Variants in NELL2 observed in about 807,000 individuals in gnomAD.
NELL2 encodes protein kinase C-binding protein NELL2.
Under a neutral mutation model 109.6 loss-of-function variants are expected in NELL2, and 41 were observed. That is an observed-to-expected ratio of 0.37 (90% confidence interval 0.29 to 0.49). NELL2 has a LOEUF of 0.49. NELL2 is among the 20% of genes least tolerant of loss of function. The pLI is 0.98. For synonymous variants in NELL2, 355 were observed against 344.7 expected, an observed-to-expected ratio of 1.03 and a Z score of -0.33; for missense variants, 900 against 1,008.3, an observed-to-expected ratio of 0.89 and a Z score of 1.45.
chr12:44,901,354 A>G (rs934629905), intron 1 of NELL2, among the ~76,000 whole-genome samples: 1 of 152,220 alleles, frequency 6.6e-6, no homozygotes, highest in African/African-American at 2.4e-5. Flanking sequence ...ACCAGGAAGA[A>G]GTCGAATCCC....
intron 2 of NELL2, among the ~76,000 whole-genome samples, chr12:44,826,547 G>C (rs895061765): frequency 1.1e-4 from 17 of 152,088 alleles, no homozygotes; most frequent in African/African-American, 3.4e-4. Flanking sequence ...TATATACAAA[G>C]TTTCCGAAGT....
At chr12:44,875,771 C>A (rs1566579412) in intron 1 of NELL2, 44 bp downstream of exon 1, 2 of 1,612,088 alleles carry the variant, frequency 1.2e-6, no homozygotes, top group African/African-American at 1.3e-5. Context: ...TGCCCCGAGG[C>A]GGGAGCCATC....
At chr12:44,674,706 T>C (rs544995317) in intron 12 of NELL2, among the ~76,000 whole-genome samples, 1 of 152,200 alleles carries the variant, frequency 6.6e-6, no homozygotes, top group South Asian at 2.1e-4. Context: ...GTATATCTTA[T>C]GAGAGTTGGT....
intron 1 of NELL2, among the ~76,000 whole-genome samples, chr12:44,912,555 T>C (rs1043106519): frequency 6.6e-6 from 1 of 152,042 alleles, no homozygotes; most frequent in African/African-American, 2.4e-5. Context: ...TGGGAATGTA[T>C]TCTGGAAAAT....
chr12:44,634,124 C>A (rs1946552854), intron 13 of NELL2, among the ~76,000 whole-genome samples: 1 of 151,912 alleles, frequency 6.6e-6, no homozygotes, highest in Non-Finnish European at 1.5e-5. Flanking sequence ...TTTACAAAAC[C>A]AAAGACATTA....
chr12:44,785,638 G>A (rs906302595), intron 3 of NELL2, among the ~76,000 whole-genome samples: 1 of 152,074 alleles, frequency 6.6e-6, no homozygotes, highest in Non-Finnish European at 1.5e-5. Flanking sequence ...TATACTACAG[G>A]CTACAGTAAC....
At chr12:44,681,471 G>T (rs1948502151) in intron 12 of NELL2, among the ~76,000 whole-genome samples, 1 of 151,200 alleles carries the variant, frequency 6.6e-6, no homozygotes, top group African/African-American at 2.4e-5. Flanking sequence ...CAATGTGCAG[G>T]TTAGTTACAT....
intron 2 of NELL2, among the ~76,000 whole-genome samples, chr12:44,845,196 T>C (rs1045450434): frequency 1.8e-4 from 28 of 152,304 alleles, no homozygotes; most frequent in Admixed American, 1.8e-3. Flanking sequence ...GCCTTCCTAT[T>C]ATATTGTTAT....
At chr12:44,747,213 A>G (rs1281577671) in intron 9 of NELL2, among the ~76,000 whole-genome samples, 1 of 150,782 alleles carries the variant, frequency 6.6e-6, no homozygotes, top group East Asian at 2.0e-4. Flanking sequence ...AAAACCAAAC[A>G]CCACATGTTC....
chr12:44,592,569 G>C (rs1328986275), intron 15 of NELL2, among the ~76,000 whole-genome samples: 1 of 152,096 alleles, frequency 6.6e-6, no homozygotes, highest in Non-Finnish European at 1.5e-5. Flanking sequence ...AGCCACAAGG[G>C]AGGATAAAAA....
intron 9 of NELL2, among the ~76,000 whole-genome samples, chr12:44,734,277 T>C (rs577549940): frequency 4.7e-4 from 71 of 152,052 alleles, no homozygotes; most frequent in African/African-American, 1.4e-3. Flanking sequence ...CTACTTTGAT[T>C]TTTCAGGGAA....
chr12:44,905,479 G>A (rs976425009), intron 1 of NELL2, among the ~76,000 whole-genome samples: 1 of 151,932 alleles, frequency 6.6e-6, no homozygotes, highest in Non-Finnish European at 1.5e-5. Flanking sequence ...TCTGTAAGAT[G>A]TGTTCTTTCA....
At chr12:44,692,928 T>C (rs1253839172) in intron 12 of NELL2, among the ~76,000 whole-genome samples, 2 of 152,180 alleles carry the variant, frequency 1.3e-5, no homozygotes, top group Admixed American at 6.5e-5. Flanking sequence ...ATGAGCATTG[T>C]TGAAATGACA....
At chr12:44,599,642 G>A (rs1376803490) in intron 15 of NELL2, among the ~76,000 whole-genome samples, 1 of 152,020 alleles carries the variant, frequency 6.6e-6, no homozygotes, top group Non-Finnish European at 1.5e-5. Context: ...AAGAGAAGGG[G>A]AAAGAAGCAA....
Position 44,522,189 on chromosome 12 carries a change from G to A in NELL2, c.1999-13C>T. ...TAACGAATCCATTCTGTATGAAAAA[G>A]AAAAAAAGCAGTTACCAAAAACCTC... On this transcript the variant is annotated splice_polypyrimidine_tract_variant and intron_variant, in intron 17 of 19. Transcript: ENST00000429094. The A allele has an allele frequency of 1.2e-6, 2 of 1,605,476 alleles. No individual in the cohort carries two copies. The highest frequency in any genetic ancestry group is 1.7e-6 in the Non-Finnish European group (2 of 1,176,712).
intron 1 of NELL2, among the ~76,000 whole-genome samples, chr12:44,902,014 T>C (rs2658990): frequency 0.035 from 5,301 of 152,134 alleles, 201 homozygotes; most frequent in African/African-American, 0.086. Context: ...CCCTCTCTCA[T>C]CACTCCTATT....
At chr12:44,615,469 T>A (rs1003662531) in intron 13 of NELL2, among the ~76,000 whole-genome samples, 1 of 152,124 alleles carries the variant, frequency 6.6e-6, no homozygotes, top group Admixed American at 6.6e-5. Flanking sequence ...AAAATTAAAC[T>A]TGACTTGGAA....
chr12:44,638,176 C>A (rs1319786923), intron 13 of NELL2, among the ~76,000 whole-genome samples: 1 of 152,062 alleles, frequency 6.6e-6, no homozygotes, highest in Admixed American at 6.6e-5. Flanking sequence ...CCCTTCCTTC[C>A]TCTAGTCTTT....
intron 11 of NELL2, among the ~76,000 whole-genome samples, chr12:44,705,723 T>C (rs1937840421): frequency 1.3e-5 from 2 of 152,180 alleles, no homozygotes; most frequent in Admixed American, 6.5e-5. Context: ...ATTTATTCTA[T>C]ATTAAAACAA....
Sources: gnomAD v4.1 joint callset for allele counts (sites outside exome capture counted in the v4.1 genomes callset) on GRCh38, gnomAD v4.1.1 for gene constraint, MANE v1.5 for transcripts, NCBI Gene and HGNC (gene_info 2026-07-23, HGNC 2026-07-21) for gene names.